INPP5F: variants seen among roughly 807,000 people sequenced by gnomAD.
The protein encoded by INPP5F is phosphatidylinositide 4-phosphatase SAC2.
INPP5F carries 97 observed loss-of-function variants against 137.2 expected under a neutral mutation model. The observed-to-expected ratio is 0.71, with a 90% CI of 0.60 to 0.84. The LOEUF (loss-of-function observed/expected upper bound fraction) is 0.84. Ranked by LOEUF, INPP5F falls within the 40% of genes least tolerant of loss-of-function variation. The pLI, the probability that INPP5F is intolerant of heterozygous loss-of-function variation, is 0.00. For synonymous variants in INPP5F, 504 were observed against 476.9 expected (o/e 1.06, Z -0.74); for missense variants, 1,271 against 1,371.9 (o/e 0.93, Z 1.16).
At chr10:119,736,719 G>T (rs2134105457) in intron 1 of INPP5F, among the ~76,000 whole-genome samples, 1 of 152,262 alleles carries the variant, frequency 6.6e-6, no homozygotes, top group Non-Finnish European at 1.5e-5. Context: ...ACAATTTTGT[G>T]TTTGGATATT....
chr10:119,827,210 T>C lies in INPP5F; in HGVS notation c.2829T>C (p.Ala943=), dbSNP rs373760499. The stretch of plus-strand genomic sequence containing the variant: ...CTCCTTTGAAGAAAAGTCCTTCTGC[T>C]GGCGACGTACACATATTGACTGGCT... ...QESPLKKSPS[A]GDVHILTGFA... Residue 943 remains alanine (A), a synonymous_variant, in exon 20 of 20, where the codon GCT becomes GCC. Transcript: ENST00000650623. 4 of 1,614,164 alleles carry C rather than the reference T, an allele frequency of 2.5e-6. No individual in the cohort carries two copies. The highest frequency in any genetic ancestry group is 2.7e-5 in the African/African-American group (2 of 75,066).
intron 13 of INPP5F, 85 bp from the exon 14 acceptor site, chr10:119,810,015 C>T: frequency 1.3e-6 from 1 of 774,054 alleles, no homozygotes; most frequent in South Asian, 1.6e-5. Context: ...CTGTAGAATT[C>T]TAGACTTGAA....
In INPP5F at chr10:119,748,247, A is replaced by G. The variant is rs1848595703; in HGVS notation, c.98-2829A>G. Among the ~76,000 whole-genome samples, 1 of 152,188 alleles carries G rather than the reference A, an allele frequency of 6.6e-6. No individual in the cohort carries two copies. The stretch of plus-strand genomic sequence containing the variant: ...CTGTGGCTGGACCAGGTGTACCACA[A>G]GCAGTTTCTGCTGCAGGTACTGGGG... On this transcript the variant is annotated intron_variant, in intron 1 of 19. Coordinates refer to ENST00000650623, the MANE Select transcript of INPP5F (RefSeq NM_014937.4). The surrounding 1 kb of genome is among the most constrained non-coding windows in gnomAD (Gnocchi z 4.7).
intron 2 of INPP5F, among the ~76,000 whole-genome samples, chr10:119,772,375 C>T (rs757045650): frequency 3.3e-5 from 5 of 152,024 alleles, no homozygotes; most frequent in Admixed American, 6.6e-5. Context: ...GGAAAATTAC[C>T]GAGAGGAAAA....
chr10:119,788,725 A>G (rs1188929307), intron 3 of INPP5F, among the ~76,000 whole-genome samples: 2 of 152,214 alleles, frequency 1.3e-5, no homozygotes, highest in Non-Finnish European at 2.9e-5. Flanking sequence ...GAAGGGGGCT[A>G]TTAGAGGTTG....
chr10:119,785,180 G>GT (rs2134188261), intron 3 of INPP5F, among the ~76,000 whole-genome samples: 1 of 151,130 alleles, frequency 6.6e-6, no homozygotes, highest in East Asian at 1.9e-4. Context: ...TTGCATACAA[G>GT]TTCTTGGTGG....
chr10:119,809,029 G>A (rs555115143), intron 13 of INPP5F, among the ~76,000 whole-genome samples: 27 of 152,258 alleles, frequency 1.8e-4, no homozygotes, highest in African/African-American at 6.3e-4. Context: ...TTCAAGACCA[G>A]CCTGGCCAAC....
intron 1 of INPP5F, among the ~76,000 whole-genome samples, chr10:119,743,267 C>G (rs115444328): frequency 7.9e-5 from 12 of 152,072 alleles, no homozygotes; most frequent in East Asian, 1.9e-4. Flanking sequence ...TTGCCTCCCC[C>G]CTTTCTACAT....
At chr10:119,796,323 A>T (rs986283360) in intron 6 of INPP5F, among the ~76,000 whole-genome samples, 2 of 152,166 alleles carry the variant, frequency 1.3e-5, no homozygotes, top group Non-Finnish European at 2.9e-5. Flanking sequence ...ATAATCATAA[A>T]CATTTGTTAA....
At chr10:119,726,380 G>T (rs937559082) in intron 1 of INPP5F, 21 bp downstream of exon 1, 1 of 1,284,292 alleles carries the variant, frequency 7.8e-7, no homozygotes, top group East Asian at 3.4e-5. Flanking sequence ...CGGTGCGGGC[G>T]GGGGGCACCC....
chr10:119,776,801 A>G (rs572707663), intron 2 of INPP5F, among the ~76,000 whole-genome samples: 1 of 151,902 alleles, frequency 6.6e-6, no homozygotes, highest in East Asian at 1.9e-4. Flanking sequence ...TCCAGGCTGG[A>G]GTACAGTGAT....
At chr10:119,815,755 T>C in intron 15 of INPP5F, 1 of 176,292 alleles carries the variant, frequency 5.7e-6, no homozygotes, top group Non-Finnish European at 1.2e-5. Context: ...CAAGGGTCAC[T>C]GACTTGTGGA....
chr10:119,765,796 A>C (rs1043217946), intron 2 of INPP5F, among the ~76,000 whole-genome samples: 17 of 148,090 alleles, frequency 1.1e-4, no homozygotes, highest in African/African-American at 3.0e-4. Flanking sequence ...TAGTGTATAT[A>C]TATACTATAT....
intron 15 of INPP5F, among the ~76,000 whole-genome samples, chr10:119,820,537 A>G (rs977447321): frequency 5.9e-5 from 9 of 152,088 alleles, no homozygotes; most frequent in East Asian, 1.9e-4. Context: ...CTGCTTCTCT[A>G]TCATCCTCCA....
rs1013447754 is a variant in INPP5F at position 119,828,619 on chromosome 10, A to G, written c.*839A>G. 2.0e-5 allele frequency: 3 copies of G among 152,236 alleles called. No individual in the cohort carries two copies. Among genetic ancestry groups the G allele is most frequent in the Non-Finnish European group, 4.4e-5 (3 of 68,052 alleles). The allele number at this position is 152,236 out of a possible 1,614,324, so 9.4% of individuals were successfully genotyped here. ...TCAAAATTTAGTCTGGGCCTAGTGC[A>G]GTGGCTCACACCTATAATCCCAACA... On this transcript the variant is annotated 3_prime_UTR_variant, in exon 20 of 20. Transcript: ENST00000650623.
At chr10:119,731,906 C>T (rs1049710607) in intron 1 of INPP5F, among the ~76,000 whole-genome samples, 10 of 151,916 alleles carry the variant, frequency 6.6e-5, no homozygotes, top group African/African-American at 2.4e-4. Context: ...TTGAATAGAT[C>T]TGTATGTTTA....
chr10:119,782,613 C>T (rs1052168112), intron 3 of INPP5F, among the ~76,000 whole-genome samples: 3 of 151,650 alleles, frequency 2.0e-5, no homozygotes, highest in East Asian at 1.9e-4. Context: ...CTGAGGGGTT[C>T]GAGACCAGCC....
chr10:119,793,027 GATT>G (rs1850203231), intron 6 of INPP5F, among the ~76,000 whole-genome samples: 1 of 152,058 alleles, frequency 6.6e-6, no homozygotes, highest in Admixed American at 6.5e-5. Flanking sequence ...TGAGGCCTGA[GATT>G]ATTCTTACCT....
chr10:119,750,615 G>A (rs1007664707), intron 1 of INPP5F, among the ~76,000 whole-genome samples: 2 of 152,218 alleles, frequency 1.3e-5, no homozygotes, highest in Non-Finnish European at 2.9e-5. Context: ...AGATAAAAGA[G>A]CAGTTGCTTT....
Sources: allele counts gnomAD v4.1 joint callset (sites outside exome capture counted in the v4.1 genomes callset), GRCh38; gene constraint gnomAD v4.1.1; non-coding constraint Gnocchi (gnomAD v3.1); transcripts MANE v1.5; gene names NCBI Gene and HGNC (gene_info 2026-07-23, HGNC 2026-07-21).